The following MYH8 variants were observed in gnomAD, a reference collection of about 807,000 sequenced individuals.
MYH8 encodes myosin-8.
In MYH8, 168 loss-of-function variants were observed where a neutral mutation model predicts 233.2. That is an observed-to-expected ratio of 0.72 (90% CI 0.64 to 0.82). MYH8 has a LOEUF of 0.82. MYH8 is among the 40% of genes least tolerant of loss of function. MYH8 has a pLI of 0.00. For synonymous variants in MYH8, 785 were observed against 850.6 expected (o/e 0.92, Z 1.34); for missense variants, 1,995 against 2,327.8 (o/e 0.86, Z 2.94).
In MYH8 at chr17:10,409,184, C is replaced by T. The variant is rs539824531; in HGVS notation, c.1898-20G>A. ...TGCTATCTGAGGTAAAAAGAAAACC[C>T]GTGAATAAGAATAGAATACCAGAGG... On this transcript the variant is annotated intron_variant, in intron 16 of 39. Coordinates refer to ENST00000403437, the MANE Select transcript of MYH8 (RefSeq NM_002472.3). The T allele has an allele frequency of 3.7e-6, 6 of 1,613,844 alleles. No homozygotes were observed. Among genetic ancestry groups the T allele is most frequent in the African/African-American group, 1.3e-5 (1 of 74,864 alleles).
Position 10,401,786 on chromosome 17 carries a change from C to T in MYH8, c.2689-1G>A. ...CTGCATCAGCCAAGCTATCTGCTTC[C>T]TATGGAGAGATTCATTCAGATACTT... On this transcript the variant is annotated splice_acceptor_variant, in intron 22 of 39. Transcript: ENST00000403437. LOFTEE classifies it high-confidence loss of function. The T allele has an allele frequency of 6.2e-7, 1 of 1,614,136 alleles. No individual in the cohort carries two copies. The highest frequency in any genetic ancestry group is 1.1e-5 in the South Asian group (1 of 91,084).
rs747652747 is a variant in MYH8, at chr17:10,420,269, A to G, written c.-30-12T>C. 72 of 1,599,800 alleles carry G rather than the reference A, an allele frequency of 4.5e-5. No homozygotes were observed. Among genetic ancestry groups the G allele is most frequent in the Middle Eastern group, 4.4e-4 (2 of 4,536 alleles). ...GCAAAGGATTCTGCCTAGGGAGGAG[A>G]GAAACGGGAGAGAGAGATATAAAAA... On this transcript the variant is annotated splice_polypyrimidine_tract_variant and intron_variant, in intron 2 of 39. Transcript: ENST00000403437.
At chr17:10,397,050 G>C (rs1274099469) in intron 30 of MYH8, 64 bp from the exon 31 acceptor site, 2 of 1,549,324 alleles carry the variant, frequency 1.3e-6, no homozygotes, top group Non-Finnish European at 1.8e-6. Context: ...TAACCTCCTT[G>C]GTCCCTTTTC....
chr17:10,395,145 T>C lies in MYH8; in HGVS notation c.4950A>G (p.Gln1650=). The C allele has an allele frequency of 1.9e-6, 3 of 1,613,476 alleles. No individual in the cohort carries two copies. Among genetic ancestry groups the C allele is most frequent in the Non-Finnish European group, 2.5e-6 (3 of 1,180,014 alleles). The change falls in exon 34 of 40, where the codon CAA becomes CAG. Residue 1650 remains glutamine (Q), a synonymous_variant. Transcript: ENST00000403437. ...TGGACCCGTTTACCTTCAGGATTCC[T>C]TGGGTGTTCCTGTAGTTCCTTAAAC... is the stretch of plus-strand genomic sequence containing the variant. ...AESLRNYRNT[Q]GILKETQLHL... is the part of the protein sequence containing the mutation.
At position 10,400,543 on chromosome 17, in the gene MYH8, A is replaced by G; in HGVS notation, c.3582T>C (p.Ala1194=). 2.5e-6 allele frequency: 4 copies of G among 1,614,174 alleles called. No homozygotes were observed. The highest frequency in any genetic ancestry group is 2.5e-6 in the Non-Finnish European group (3 of 1,180,022). The change falls in exon 27 of 40, where the codon GCT becomes GCC. Residue 1194 remains alanine (A), a synonymous_variant. Transcript: ENST00000403437. This position sits in a 1 kb window ranked among gnomAD's most constrained non-coding sequence, Gnocchi z 4.0. ...ATLQHEAMVA[A]LRKKHADSMA... is the part of the protein sequence containing the mutation. ...TACTGTCTGCGTGCTTCTTCCGAAG[A>G]GCAGCCACCATAGCTTCATGCTGCA...
Position 10,419,096 on chromosome 17 carries a change from T to G in MYH8, c.211-66A>C, listed in dbSNP as rs79728264. 8 of 1,597,562 alleles carry G rather than the reference T, an allele frequency of 5.0e-6. No homozygotes were observed. In the South Asian group the frequency reaches 8.9e-5, roughly 18 times the overall value. ...GTTTGAGATAGAGTTTTGCTTTTTT[T>G]GCCCAGGCTGGAGTGCAGTGGCGCG... On this transcript the variant is annotated intron_variant, in intron 3 of 39. Coordinates refer to ENST00000403437, the MANE Select transcript of MYH8 (RefSeq NM_002472.3). This position sits in a 1 kb window ranked among gnomAD's most constrained non-coding sequence, Gnocchi z 4.0.
At chr17:10,394,989 T>C in intron 34 of MYH8, 144 bp downstream of exon 34, 2 of 871,082 alleles carry the variant, frequency 2.3e-6, no homozygotes, top group East Asian at 2.4e-5. Flanking sequence ...TAATATGTTC[T>C]ATGTGTATTT....
Position 10,396,496 on chromosome 17 carries a change from C to T in MYH8, c.4529-42G>A. 5 of 1,613,860 alleles carry T rather than the reference C, an allele frequency of 3.1e-6. No homozygotes were observed. The highest frequency in any genetic ancestry group is 4.2e-6 in the Non-Finnish European group (5 of 1,179,914). On this transcript the variant is annotated intron_variant, in intron 32 of 39. Coordinates refer to ENST00000403437, the MANE Select transcript of MYH8 (RefSeq NM_002472.3). The surrounding 1 kb of genome is among the most constrained non-coding windows in gnomAD (Gnocchi z 4.2). ...AGGAGAGAAATGGTCAGAAAGATGG[C>T]AACATGGAAAGGTCCTCCCAGGGAT...
Position 10,406,936 on chromosome 17 carries a change from G to A in MYH8, c.2009C>T (p.Pro670Leu). ...KLMTNLRSTHPHFVRCIIPNE... is the reference protein window; with the variant it reads ...KLMTNLRSTHLHFVRCIIPNE... ...GGGAATGATACACCGTACGAAGTGA[G>A]GGTGTGTGCTCCTCAGATTCGTCAT... The change falls in exon 18 of 40, where the codon CCT (proline) becomes CTT (leucine). Residue 670 changes from proline to leucine, a missense_variant. This residue lies in a region of MYH8 where 1,498 missense variants were observed against 1,680.9 expected (regional missense o/e 0.89). Transcript: ENST00000403437. The A allele has an allele frequency of 1.2e-6, 2 of 1,614,018 alleles. No homozygotes were observed. Among genetic ancestry groups the A allele is most frequent in the South Asian group, 1.1e-5 (1 of 91,070 alleles).
chr17:10,394,451 T>G lies in MYH8; in HGVS notation c.4964A>C (p.Glu1655Ala). ...NYRNTQGILK[E>A]TQLHLDDALR... ...AGCATCATCCAGGTGGAGCTGGGTT[T>G]CCTAATAAGTGAAAAACAGAAAGGC... Residue 1655 changes from glutamate to alanine, a missense_variant and splice_region_variant, in exon 35 of 40, where the codon GAA becomes GCA. Physicochemically the swap from Glu to Ala is moderately radical, Grantham distance 107 (BLOSUM62 -1). This residue lies in a region of MYH8 where 1,498 missense variants were observed against 1,680.9 expected (regional missense o/e 0.89). Transcript: ENST00000403437. 4.3e-6 allele frequency: 7 copies of G among 1,614,122 alleles called. No individual in the cohort carries two copies. Among genetic ancestry groups the G allele is most frequent in the Non-Finnish European group, 5.9e-6 (7 of 1,180,016 alleles).
chr17:10,409,024 A>AT, intron 17 of MYH8, 73 bp downstream of exon 17: 1 of 1,438,410 alleles, frequency 7.0e-7, no homozygotes, highest in Middle Eastern at 1.8e-4. Flanking sequence ...TTGCCTCATA[A>AT]TTTTTTCTAA....
chr17:10,403,480 C>A lies in MYH8; in HGVS notation c.2688+850G>T, dbSNP rs1872234724. ...TTCTTTTCTTTTTTCTTTTTTTGAG[C>A]TTTACTGCTTAATATATTTATTTTT... On this transcript the variant is annotated intron_variant, in intron 22 of 39. Coordinates refer to ENST00000403437, the MANE Select transcript of MYH8 (RefSeq NM_002472.3). Among the ~76,000 whole-genome samples the A allele has an allele frequency of 3.3e-5, 5 of 151,738 alleles. No homozygotes were observed. In the South Asian group the frequency reaches 1.0e-3, roughly 32 times the overall value.
rs1390219544 is a variant in MYH8, at chr17:10,419,943, A to G, written c.210+75T>C. On this transcript the variant is annotated intron_variant, in intron 3 of 39. Coordinates refer to ENST00000403437, the MANE Select transcript of MYH8 (RefSeq NM_002472.3). The surrounding 1 kb of genome is among the most constrained non-coding windows in gnomAD (Gnocchi z 4.0). ...GTTTGCATTGGCAACAGGCTTGGAG[A>G]TTCCCAGTAAGTTAGGCTTCAACTT... 3 of 1,492,964 alleles carry G rather than the reference A, an allele frequency of 2.0e-6. No individual in the cohort carries two copies. The highest frequency in any genetic ancestry group is 1.9e-6 in the Non-Finnish European group (2 of 1,071,506). 92.5% of individuals were successfully genotyped at this position (1,492,964 alleles called of 1,614,324 possible). A position where few individuals can be genotyped will look rare whatever the true frequency, so the allele number is the denominator to read the frequency against.
chr17:10,394,063 C>CA lies in MYH8; in HGVS notation c.5166+185dup, dbSNP rs71365758. Among the ~76,000 whole-genome samples the CA allele has an allele frequency of 0.6, 76,431 of 127,446 alleles. 22,939 individuals carry two copies. Among genetic ancestry groups the CA allele is most frequent in the African/African-American group, 0.7 (23,417 of 33,614 alleles). The allele number at this position is 127,446 out of a possible 152,430, so 83.6% of individuals were successfully genotyped here. ...CCAAGAAAGAAACAGGAACACACAC[C>CA]AAAAAAACAAAAAAAAATCACCCAT... On this transcript the variant is annotated intron_variant, in intron 35 of 39. Transcript: ENST00000403437.
intron 22 of MYH8, among the ~76,000 whole-genome samples, chr17:10,402,025 A>T (rs1017232014): frequency 6.6e-6 from 1 of 152,202 alleles, no homozygotes; most frequent in African/African-American, 2.4e-5. Context: ...TTGATTATTT[A>T]AAAAATAATT....
At position 10,393,222 on chromosome 17, in the gene MYH8, A is replaced by G; in HGVS notation, c.5167-12T>C. On this transcript the variant is annotated splice_polypyrimidine_tract_variant and intron_variant, in intron 35 of 39. Coordinates refer to ENST00000403437, the MANE Select transcript of MYH8 (RefSeq NM_002472.3). Reference sequence around the variant, plus strand: ...ATGAGACTGGTATTCTGTTAAAAGTAGTCGTGGAAATTTACAAAATTTGCA... The same window carrying G: ...ATGAGACTGGTATTCTGTTAAAAGTGGTCGTGGAAATTTACAAAATTTGCA... 6.2e-7 allele frequency: 1 copy of G among 1,614,222 alleles called. No homozygotes were observed. The highest frequency in any genetic ancestry group is 8.5e-7 in the Non-Finnish European group (1 of 1,180,040).
At position 10,419,972 on chromosome 17, in the gene MYH8, A is replaced by G; in HGVS notation, c.210+46T>C. On this transcript the variant is annotated intron_variant, in intron 3 of 39. Transcript: ENST00000403437. This position sits in a 1 kb window ranked among gnomAD's most constrained non-coding sequence, Gnocchi z 4.0. Reference sequence around the variant, plus strand: ...CCAGTAAGTTAGGCTTCAACTTTTGAACCAAGAAATAAAATGGGGAGTATT... The same window carrying G: ...CCAGTAAGTTAGGCTTCAACTTTTGGACCAAGAAATAAAATGGGGAGTATT... 1 of 1,594,680 alleles carries G rather than the reference A, an allele frequency of 6.3e-7. No homozygotes were observed. The highest frequency in any genetic ancestry group is 8.6e-7 in the Non-Finnish European group (1 of 1,162,824).
intron 12 of MYH8, among the ~76,000 whole-genome samples, chr17:10,413,008 T>C (rs931930535): frequency 4.6e-5 from 7 of 152,210 alleles, no homozygotes; most frequent in African/African-American, 1.7e-4. Context: ...TTTTTGTAAG[T>C]AAAAGCCATA....
chr17:10,409,524 AAGG>A lies in MYH8; in HGVS notation c.1649_1651del (p.Ser550del), dbSNP rs780361090. The A allele has an allele frequency of 6.2e-7, 1 of 1,614,186 alleles. No homozygotes were observed. Among genetic ancestry groups the A allele is most frequent in the South Asian group, 1.1e-5 (1 of 91,080 alleles). The stretch of plus-strand genomic sequence containing the variant: ...GTGCTGGTCATACAGCTTGTTCTTG[AAGG>A]AGGTGTCCGTTGCCTTAGGGAACAT... On this transcript the variant is annotated inframe_deletion, in exon 16 of 40. Transcript: ENST00000403437.
Sources: gnomAD v4.1 joint callset for allele counts (sites outside exome capture counted in the v4.1 genomes callset) on GRCh38, gnomAD v4.1.1 for gene constraint, gnomAD v4.1.1 regional missense constraint, Gnocchi (gnomAD v3.1) non-coding constraint, MANE v1.5 for transcripts, NCBI Gene and HGNC (gene_info 2026-07-23, HGNC 2026-07-21) for gene names.